ACACA: variants seen among roughly 807,000 people sequenced by gnomAD.
The protein encoded by ACACA is acetyl-CoA carboxylase alpha.
Under a neutral mutation model 296.1 loss-of-function variants are expected in ACACA, and 103 were observed. The observed-to-expected ratio is 0.35, with a 90% CI of 0.30 to 0.41. The LOEUF (loss-of-function observed/expected upper bound fraction) is 0.41, where lower values mean the gene tolerates loss of function less well. Among genes scored for constraint, ACACA ranks in the 10% least tolerant of loss-of-function variants. The pLI is 1.00. For missense variants in ACACA, 1,554 were observed against 2,989.7 expected, an observed-to-expected ratio of 0.52 and a Z score of 11.20; for synonymous variants, 953 against 1,038.6, an observed-to-expected ratio of 0.92 and a Z score of 1.58.
chr17:37,271,003 T>C lies in ACACA; in HGVS notation c.1009-142A>G, dbSNP rs73282805. On this transcript the variant is annotated intron_variant, in intron 9 of 55. Coordinates refer to ENST00000616317, the MANE Select transcript of ACACA (RefSeq NM_198834.3). Reference sequence around the variant, plus strand: ...ATAGAAAGATCTTCAAGATACACTATGAAAAAATAAATAGTAGAACAATAT... The same window carrying C: ...ATAGAAAGATCTTCAAGATACACTACGAAAAAATAAATAGTAGAACAATAT... 2,223 of 683,488 alleles carry C rather than the reference T, an allele frequency of 3.3e-3. 33 individuals carry two copies. The African/African-American group carries it at 0.037, about 11-fold the overall frequency. The allele number at this position is 683,488 out of a possible 1,614,324, so 42.3% of individuals were successfully genotyped here.
chr17:37,207,975 C>T (rs1471283547), intron 30 of ACACA, among the ~76,000 whole-genome samples, 175 bp from the exon 31 acceptor site: 6 of 152,268 alleles, frequency 3.9e-5, no homozygotes, highest in Non-Finnish European at 7.4e-5. Context: ...CATGTTAACC[C>T]TTTCTTTTGA....
chr17:37,190,258 G>A (rs755570542), intron 38 of ACACA, among the ~76,000 whole-genome samples: 36 of 152,042 alleles, frequency 2.4e-4, no homozygotes, highest in African/African-American at 6.3e-4. Flanking sequence ...GTGAAACCCC[G>A]TTTCTACTAA....
At chr17:37,390,330 A>ATATATATATATATCTATATATATATATC (rs1386032855) in intron 1 of ACACA, among the ~76,000 whole-genome samples, 3 of 41,576 alleles carry the variant, frequency 7.2e-5, no homozygotes, top group South Asian at 8.5e-4. Flanking sequence ...ATATATATAT[A>ATATATATATATATCTATATATATATATC]TATAAAAGGC....
At chr17:37,337,395 G>A (rs1446112555) in intron 2 of ACACA, among the ~76,000 whole-genome samples, 1 of 144,116 alleles carries the variant, frequency 6.9e-6, no homozygotes, top group Non-Finnish European at 1.5e-5. Context: ...CAGCCTTGGT[G>A]ACAGAGCAGG....
At chr17:37,182,565 A>G (rs2077367017) in intron 39 of ACACA, among the ~76,000 whole-genome samples, 1 of 152,190 alleles carries the variant, frequency 6.6e-6, no homozygotes. Flanking sequence ...CATTATTTCA[A>G]TTCAATTAAT....
chr17:37,276,048 A>G lies in ACACA; in HGVS notation c.804T>C (p.Gly268=), dbSNP rs1465628718. The part of the protein sequence containing the change: ...LLLKNGIAFM[G]PPSQAMWALG... ...AAGCCCACATGGCCTGGCTTGGAGGACCTAAAAACGAAACAGGAAAAGAAT... is the reference window on the plus strand; with the variant it reads ...AAGCCCACATGGCCTGGCTTGGAGGGCCTAAAAACGAAACAGGAAAAGAAT... Residue 268 remains glycine (G), a splice_region_variant and synonymous_variant, in exon 8 of 56, where the codon GGT becomes GGC. Transcript: ENST00000616317. 8 of 1,613,508 alleles carry G rather than the reference A, an allele frequency of 5.0e-6. No individual in the cohort carries two copies. In the East Asian group the frequency reaches 1.8e-4, roughly 36 times the overall value.
At chr17:37,232,705 G>A (rs2079919321) in intron 25 of ACACA, among the ~76,000 whole-genome samples, 1 of 151,964 alleles carries the variant, frequency 6.6e-6, no homozygotes. Flanking sequence ...GAAAACAACT[G>A]ATATTTGAAA....
chr17:37,389,476 C>A, intron 1 of ACACA: 1 of 1,401,950 alleles, frequency 7.1e-7, no homozygotes, highest in South Asian at 1.4e-5. Flanking sequence ...GCAGGTGGAT[C>A]ACCTGAGGTG....
chr17:37,122,463 G>T (rs2074572337), intron 49 of ACACA, 68 bp downstream of exon 49: 1 of 1,193,040 alleles, frequency 8.4e-7, no homozygotes, highest in Non-Finnish European at 1.2e-6. Context: ...TGTTCCTGAT[G>T]TATTCACAGG....
At chr17:37,247,597 C>A (rs935778955) in intron 18 of ACACA, among the ~76,000 whole-genome samples, 2 of 152,142 alleles carry the variant, frequency 1.3e-5, no homozygotes, top group East Asian at 3.9e-4. Context: ...GAACTCCCAG[C>A]CTCAGGTGAT....
chr17:37,153,913 G>A (rs1420056440), intron 43 of ACACA, among the ~76,000 whole-genome samples: 2 of 152,004 alleles, frequency 1.3e-5, no homozygotes, highest in Non-Finnish European at 2.9e-5. Context: ...TTTCTTTTTG[G>A]GGAAAGTTAG....
chr17:37,264,244 T>C (rs1019804013), intron 10 of ACACA, among the ~76,000 whole-genome samples: 1 of 152,236 alleles, frequency 6.6e-6, no homozygotes, highest in Non-Finnish European at 1.5e-5. Context: ...AATGTACAAC[T>C]TGTTCCAGAC....
In ACACA at chr17:37,166,891, G is replaced by T. The variant is rs1421625368; in HGVS notation, c.5080-4841C>A. Among the ~76,000 whole-genome samples, 2 of 152,142 alleles carry T rather than the reference G, an allele frequency of 1.3e-5. 1 individual carries two copies. Among genetic ancestry groups the T allele is most frequent in the Admixed American group, 1.3e-4 (2 of 15,276 alleles). ...AGGTAGCTGTAATTATTGCCATGAG[G>T]AAATTAAGGCACAGAGGAATTAAGT... On this transcript the variant is annotated intron_variant, in intron 41 of 55. Coordinates refer to ENST00000616317, the MANE Select transcript of ACACA (RefSeq NM_198834.3).
At chr17:37,238,024 G>T (rs1393224867) in intron 24 of ACACA, among the ~76,000 whole-genome samples, 1 of 152,200 alleles carries the variant, frequency 6.6e-6, no homozygotes, top group Non-Finnish European at 1.5e-5. Context: ...GCCTCCGAAA[G>T]TGCTAGGATT....
chr17:37,094,578 C>T (rs1002253420), intron 54 of ACACA, among the ~76,000 whole-genome samples: 3 of 147,826 alleles, frequency 2.0e-5, no homozygotes, highest in Non-Finnish European at 4.5e-5. Context: ...AACCACCCCC[C>T]CCCCCCCACA....
At chr17:37,296,265 TCA>T (rs1205094360) in intron 3 of ACACA, among the ~76,000 whole-genome samples, 1 of 149,788 alleles carries the variant, frequency 6.7e-6, no homozygotes, top group Non-Finnish European at 1.5e-5. Context: ...CATTGTGTCC[TCA>T]CAGAGTGGAA....
chr17:37,340,635 C>T (rs1053610488), intron 1 of ACACA, among the ~76,000 whole-genome samples: 2 of 152,064 alleles, frequency 1.3e-5, no homozygotes, highest in Non-Finnish European at 2.9e-5. Flanking sequence ...CTAAAACTTC[C>T]GAGAGGACCC....
At chr17:37,119,589 AACACACACACACAC>A (rs71368443) in intron 50 of ACACA, among the ~76,000 whole-genome samples, 4,938 of 128,400 alleles carry the variant, frequency 0.038, 114 homozygotes, top group South Asian at 0.11. Flanking sequence ...TTTTCAACCA[AACACACACACACAC>A]ACACACACAC....
At chr17:37,119,862 G>T (rs2074439767) in intron 50 of ACACA, among the ~76,000 whole-genome samples, 1 of 150,360 alleles carries the variant, frequency 6.7e-6, no homozygotes, top group Admixed American at 6.6e-5. Flanking sequence ...CATTTTGTAT[G>T]TCTTAAGTAT....
Sources: allele counts gnomAD v4.1 joint callset (sites outside exome capture counted in the v4.1 genomes callset), GRCh38; gene constraint gnomAD v4.1.1; transcripts MANE v1.5; gene names NCBI Gene and HGNC (gene_info 2026-07-23, HGNC 2026-07-21).